Variants in LMNTD1 observed in about 807,000 individuals in gnomAD.
LMNTD1 encodes the protein lamin tail domain containing 1.
A neutral mutation model predicts 50.9 loss-of-function variants in LMNTD1; 35 were observed. That is an observed-to-expected ratio of 0.69 (90% CI 0.53 to 0.91). The LOEUF (loss-of-function observed/expected upper bound fraction) is 0.91, where lower values mean the gene tolerates loss of function less well. Among genes scored for constraint, LMNTD1 ranks in the 40% least tolerant of loss-of-function variants. The pLI, the probability that LMNTD1 is intolerant of heterozygous loss-of-function variation, is 0.00. For missense variants in LMNTD1, 470 were observed against 475.5 expected (o/e 0.99, Z 0.11); for synonymous variants, 153 against 161.9 (o/e 0.94, Z 0.42).
At chr12:25,517,628 A>G (rs1160581430) in intron 8 of LMNTD1, among the ~76,000 whole-genome samples, 1 of 125,320 alleles carries the variant, frequency 8.0e-6, no homozygotes, top group Non-Finnish European at 1.7e-5. Flanking sequence ...TAATGGGTGC[A>G]GCATACCAGC....
At position 25,519,923 on chromosome 12, in the gene LMNTD1, T is replaced by A. The variant is rs762063060; in HGVS notation, c.951A>T (p.Lys317Asn). The change falls in exon 7 of 10, where the codon AAA (lysine) becomes AAT (asparagine). Residue 317 changes from lysine to asparagine, a missense_variant. Physicochemically the swap from Lys to Asn is moderately conservative, Grantham distance 94 (BLOSUM62 0). Coordinates refer to ENST00000458174, the MANE Select transcript of LMNTD1 (RefSeq NM_001145728.2). ...AGATATCTTTCTTAGGTTGATCTTG[T>A]TTTTCTTTAGTTATTGTAGCTGTAG... ...TASTATITKE[K>N]QDQPKKDISN... 3.1e-6 allele frequency: 5 copies of A among 1,613,012 alleles called. No homozygotes were observed. Among genetic ancestry groups the A allele is most frequent in the African/African-American group, 1.3e-5 (1 of 74,846 alleles).
At chr12:25,507,646 G>C (rs962622538) in intron 8 of LMNTD1, among the ~76,000 whole-genome samples, 4 of 152,168 alleles carry the variant, frequency 2.6e-5, no homozygotes, top group African/African-American at 9.7e-5. Context: ...CACACTCCCA[G>C]GGCATGATCC....
chr12:25,516,742 A>G (rs911793216), intron 8 of LMNTD1, among the ~76,000 whole-genome samples: 5 of 152,030 alleles, frequency 3.3e-5, no homozygotes, highest in Non-Finnish European at 7.4e-5. Flanking sequence ...CTGCACAGCA[A>G]AAGAAACTAC....
chr12:25,605,207 T>C (rs1044147398), intron 1 of LMNTD1, among the ~76,000 whole-genome samples: 4 of 152,188 alleles, frequency 2.6e-5, no homozygotes, highest in Admixed American at 2.6e-4. Flanking sequence ...TTTTTTCTTG[T>C]AAATTTGTTT....
chr12:25,575,737 G>C (rs1423638962), intron 1 of LMNTD1, among the ~76,000 whole-genome samples: 1 of 151,516 alleles, frequency 6.6e-6, no homozygotes, highest in Non-Finnish European at 1.5e-5. Flanking sequence ...TGTGCACAAC[G>C]TGCAGGTTTG....
intron 6 of LMNTD1, among the ~76,000 whole-genome samples, chr12:25,521,398 C>T (rs886922146): frequency 1.3e-5 from 2 of 151,906 alleles, no homozygotes; most frequent in African/African-American, 4.8e-5. Flanking sequence ...TTTTTATTTA[C>T]CATGTAAAAT....
intron 9 of LMNTD1, among the ~76,000 whole-genome samples, chr12:25,478,700 C>T (rs1031322062): frequency 6.6e-5 from 10 of 152,122 alleles, no homozygotes; most frequent in African/African-American, 2.4e-4. Context: ...GCAGGAGAAT[C>T]ACTTCAACCT....
chr12:25,479,314 TA>T (rs1442543635), intron 9 of LMNTD1, among the ~76,000 whole-genome samples: 5 of 152,208 alleles, frequency 3.3e-5, no homozygotes, highest in Non-Finnish European at 7.3e-5. Flanking sequence ...AGTGGATCAC[TA>T]GGGGTGATGG....
At chr12:25,582,031 CA>C (rs751090344) in intron 1 of LMNTD1, among the ~76,000 whole-genome samples, 2 of 152,252 alleles carry the variant, frequency 1.3e-5, no homozygotes, top group Non-Finnish European at 2.9e-5. Context: ...ATCTCATCCT[CA>C]TCCATGTGAA....
intron 1 of LMNTD1, among the ~76,000 whole-genome samples, chr12:25,614,547 T>C (rs1285717141): frequency 2.0e-5 from 3 of 152,218 alleles, no homozygotes; most frequent in East Asian, 3.9e-4. Flanking sequence ...TTTGTGCCTA[T>C]TCCTTTTGGG....
intron 8 of LMNTD1, among the ~76,000 whole-genome samples, chr12:25,508,039 C>T (rs1349290604): frequency 6.6e-6 from 1 of 151,452 alleles, no homozygotes; most frequent in African/African-American, 2.4e-5. Context: ...TTTCTTTGTC[C>T]CTCCTTGTCA....
At chr12:25,523,166 T>TCCCTA (rs757768590) in intron 6 of LMNTD1, among the ~76,000 whole-genome samples, 46 of 152,282 alleles carry the variant, frequency 3.0e-4, no homozygotes, top group Non-Finnish European at 6.5e-4. Context: ...CCCTAGTAGC[T>TCCCTA]GGGACTACAG....
intron 1 of LMNTD1, among the ~76,000 whole-genome samples, chr12:25,647,160 A>G (rs560166386): frequency 7.2e-5 from 11 of 152,344 alleles, no homozygotes; most frequent in African/African-American, 2.6e-4. Flanking sequence ...AATGTCTACA[A>G]TAATAATATT....
intron 4 of LMNTD1, among the ~76,000 whole-genome samples, chr12:25,543,114 A>G (rs1217409089): frequency 6.6e-6 from 1 of 152,084 alleles, no homozygotes; most frequent in Non-Finnish European, 1.5e-5. Context: ...ATCTATTTAA[A>G]AACAATTTAT....
At position 25,602,332 on chromosome 12, in the gene LMNTD1, A is replaced by G. The variant is rs74070567; in HGVS notation, c.58+46162T>C. ...AAAGAAAGAAAGAAAAAAAACCTCA[A>G]CCTTCCTGCTGACTGTTCTTGACCC... On this transcript the variant is annotated intron_variant, in intron 1 of 7. Transcript: ENST00000445693. 6.5e-3 allele frequency among the ~76,000 whole-genome samples: 983 copies of G among 152,020 alleles called. 17 individuals are homozygous for G. Among genetic ancestry groups the G allele is most frequent in the African/African-American group, 0.023 (947 of 41,504 alleles).
At chr12:25,575,566 G>T (rs929660134) in intron 1 of LMNTD1, among the ~76,000 whole-genome samples, 10 of 152,110 alleles carry the variant, frequency 6.6e-5, no homozygotes, top group African/African-American at 2.2e-4. Flanking sequence ...ACAAAGAAAG[G>T]TCTGCAAATA....
At chr12:25,539,621 AG>A (rs1942895414) in intron 4 of LMNTD1, among the ~76,000 whole-genome samples, 1 of 151,960 alleles carries the variant, frequency 6.6e-6, no homozygotes, top group Non-Finnish European at 1.5e-5. Flanking sequence ...AAGAGAAAGC[AG>A]GAAAGATCCA....
chr12:25,505,239 A>G (rs16928971), intron 8 of LMNTD1, among the ~76,000 whole-genome samples: 29,658 of 152,074 alleles, frequency 0.2, 3,143 homozygotes, highest in African/African-American at 0.26. Flanking sequence ...ACTTTAATCT[A>G]AATCCCCTGA....
intron 4 of LMNTD1, among the ~76,000 whole-genome samples, chr12:25,529,492 CT>C (rs1163758964): frequency 6.6e-6 from 1 of 152,192 alleles, no homozygotes; most frequent in Non-Finnish European, 1.5e-5. Context: ...ACCATTTACT[CT>C]GTTGGCCAAG....
Sources: gnomAD v4.1 joint callset for allele counts (sites outside exome capture counted in the v4.1 genomes callset) on GRCh38, gnomAD v4.1.1 for gene constraint, MANE v1.5 for transcripts, NCBI Gene and HGNC (gene_info 2026-07-23, HGNC 2026-07-21) for gene names.